The following SHANK2 variants were observed in gnomAD, a reference collection of about 807,000 sequenced individuals.
SHANK2 encodes SH3 and multiple ankyrin repeat domains 2.
A neutral mutation model predicts 133.7 loss-of-function variants in SHANK2; 43 were observed. The ratio of observed to expected loss-of-function variants is 0.32; its 90% CI spans 0.25 to 0.41. The LOEUF (loss-of-function observed/expected upper bound fraction) is 0.41. Among genes scored for constraint, SHANK2 ranks in the 10% least tolerant of loss-of-function variants. The pLI is 1.00. For synonymous variants in SHANK2, 1,017 were observed against 952.8 expected, an observed-to-expected ratio of 1.07 and a Z score of -1.24; for missense variants, 1,994 against 2,235.8, an observed-to-expected ratio of 0.89 and a Z score of 2.18.
chr11:70,587,703 T>TTG (rs1565155065), intron 17 of SHANK2, among the ~76,000 whole-genome samples: 1 of 149,390 alleles, frequency 6.7e-6, no homozygotes, highest in Non-Finnish European at 1.5e-5. Context: ...GTCCAGTTTT[T>TTG]TTTTTTTTTT....
chr11:71,077,195 A>G (rs1590887644), intron 8 of SHANK2, among the ~76,000 whole-genome samples: 1 of 152,014 alleles, frequency 6.6e-6, no homozygotes, highest in Non-Finnish European at 1.5e-5. Flanking sequence ...GCTATTTGGC[A>G]CTCCCCAAAG....
chr11:70,597,933 C>G (rs2060423138), intron 17 of SHANK2, among the ~76,000 whole-genome samples: 1 of 152,216 alleles, frequency 6.6e-6, no homozygotes, highest in Non-Finnish European at 1.5e-5. Flanking sequence ...TCAGACCCCA[C>G]CTGAGATGCA....
chr11:70,684,713 T>C (rs569644569), intron 15 of SHANK2, among the ~76,000 whole-genome samples: 64 of 152,008 alleles, frequency 4.2e-4, no homozygotes, highest in African/African-American at 1.5e-3. Context: ...CGTCACTCAG[T>C]GTGACTCAGT....
intron 2 of SHANK2, among the ~76,000 whole-genome samples, chr11:71,198,196 G>A (rs952302244): frequency 6.6e-6 from 1 of 152,054 alleles, no homozygotes; most frequent in African/African-American, 2.4e-5. Context: ...AGATCCTCTC[G>A]CCTCAGCATT....
intron 14 of SHANK2, among the ~76,000 whole-genome samples, chr11:70,771,464 G>A (rs1343828853): frequency 1.3e-5 from 2 of 152,254 alleles, no homozygotes; most frequent in African/African-American, 4.8e-5. Context: ...TCCTGCATGA[G>A]GACTGCAGTG....
At chr11:70,759,915 A>C (rs1360180945) in intron 14 of SHANK2, among the ~76,000 whole-genome samples, 1 of 152,196 alleles carries the variant, frequency 6.6e-6, no homozygotes, top group Non-Finnish European at 1.5e-5. Context: ...CCACTGGCCA[A>C]AGACTGAGGC....
At position 71,073,693 on chromosome 11, in the gene SHANK2, G is replaced by A. The variant is rs925377628; in HGVS notation, c.1029+1466C>T. ...TGTTGCCCAGGCTAGTCTCAAACTA[G>A]ATCAAGTAATCCACTCCTCCCTCGG... On this transcript the variant is annotated intron_variant, in intron 9 of 25. Coordinates refer to ENST00000601538, the MANE Select transcript of SHANK2 (RefSeq NM_012309.5). Among the ~76,000 whole-genome samples the A allele has an allele frequency of 1.1e-4, 16 of 152,232 alleles. 1 individual carries two copies. The South Asian group carries it at 1.2e-3, about 12-fold the overall frequency.
At chr11:71,205,784 G>T (rs1490165958) in intron 2 of SHANK2, among the ~76,000 whole-genome samples, 1 of 152,158 alleles carries the variant, frequency 6.6e-6, no homozygotes, top group Non-Finnish European at 1.5e-5. Context: ...TGGTGGCAGG[G>T]GGGTGGCAGA....
In SHANK2 at chr11:70,659,844, C is replaced by G. The variant is rs1047434223; in HGVS notation, c.2045G>C (p.Gly682Ala). ...GVAWQAGLRT[G>A]DFLIEVNNEN... is the part of the protein sequence containing the mutation. ...TGTCCCTACCTCAATCAAGAAGTCC[C>G]CGGTCCTTAGTCCGGCTTGCCACGC... Residue 682 changes from glycine (G) to alanine (A), a missense_variant, in exon 17 of 26, where the codon GGG becomes GCG. Gly to Ala is a moderately conservative substitution (Grantham distance 60). Around this residue, in one of 5 missense-constraint regions of SHANK2, gnomAD observed 488 missense variants for 642.6 expected, o/e 0.76. Transcript: ENST00000601538. The G allele has an allele frequency of 1.9e-6, 3 of 1,614,044 alleles. No homozygotes were observed. In the African/African-American group the frequency reaches 4.0e-5, roughly 22 times the overall value.
chr11:71,073,252 G>C (rs1488820200), intron 9 of SHANK2, among the ~76,000 whole-genome samples: 2 of 145,148 alleles, frequency 1.4e-5, no homozygotes, highest in South Asian at 4.5e-4. Context: ...TCCGCCTCCC[G>C]GGTTCAAGCA....
In SHANK2 at chr11:71,175,991, G is replaced by C. The variant is rs1452037721; in HGVS notation, c.-12-28653C>G. Among the ~76,000 whole-genome samples, 1 of 152,202 alleles carries C rather than the reference G, an allele frequency of 6.6e-6. No homozygotes were observed. Among genetic ancestry groups the C allele is most frequent in the Non-Finnish European group, 1.5e-5 (1 of 68,036 alleles). On this transcript the variant is annotated intron_variant, in intron 2 of 25. Coordinates refer to ENST00000601538, the MANE Select transcript of SHANK2 (RefSeq NM_012309.5). This position sits in a 1 kb window ranked among gnomAD's most constrained non-coding sequence, Gnocchi z 4.2. ...CTTATTCAGAATATGATGGATGCAA[G>C]CATGTAACAAACCACCTTAGGCCGG...
intron 11 of SHANK2, among the ~76,000 whole-genome samples, chr11:70,855,869 A>T (rs1352055665): frequency 6.6e-6 from 1 of 151,778 alleles, no homozygotes; most frequent in Non-Finnish European, 1.5e-5. Context: ...GTGAATGAGC[A>T]GAAACACTAA....
intron 7 of SHANK2, among the ~76,000 whole-genome samples, chr11:71,093,063 G>GGC (rs1555094503): frequency 1.6e-5 from 2 of 123,042 alleles, no homozygotes; most frequent in African/African-American, 2.8e-5. Context: ...GGGGGGGGGG[G>GGC]CAGGTATAAC....
intron 11 of SHANK2, among the ~76,000 whole-genome samples, chr11:70,821,787 C>T (rs1489746127): frequency 6.6e-6 from 1 of 152,216 alleles, no homozygotes; most frequent in Non-Finnish European, 1.5e-5. Flanking sequence ...CATACAGTCT[C>T]CGAGTCCACT....
chr11:70,762,184 C>A (rs1228589365), intron 14 of SHANK2, among the ~76,000 whole-genome samples: 1 of 152,240 alleles, frequency 6.6e-6, no homozygotes, highest in Non-Finnish European at 1.5e-5. Context: ...AAAGCTCCAA[C>A]AAAGCAAAAC....
At chr11:70,774,311 C>T (rs145248937) in intron 14 of SHANK2, among the ~76,000 whole-genome samples, 42 of 150,766 alleles carry the variant, frequency 2.8e-4, no homozygotes, top group African/African-American at 9.7e-4. Flanking sequence ...AAGGGGAAAT[C>T]GGGGAGTGAC....
At chr11:71,210,210 GTATATATATATATATATATATATATATA>G (rs71049962) in intron 2 of SHANK2, among the ~76,000 whole-genome samples, 3,079 of 54,134 alleles carry the variant, frequency 0.057, 272 homozygotes, top group African/African-American at 0.1. Flanking sequence ...AAATCCACAG[GTATATATATATATATATATATATATATA>G]TATATATATA....
chr11:71,110,875 T>C (rs1555099081), intron 5 of SHANK2, among the ~76,000 whole-genome samples: 1 of 152,236 alleles, frequency 6.6e-6, no homozygotes, highest in Non-Finnish European at 1.5e-5. Context: ...TGTAATAGTA[T>C]GGAGAGGTGA....
chr11:70,701,592 G>C (rs950993437), intron 14 of SHANK2, among the ~76,000 whole-genome samples: 2 of 151,900 alleles, frequency 1.3e-5, no homozygotes, highest in East Asian at 3.9e-4. Flanking sequence ...TTTTCGTAGA[G>C]ACGGGGTTTC....
Sources: allele counts gnomAD v4.1 joint callset (sites outside exome capture counted in the v4.1 genomes callset), GRCh38; gene constraint gnomAD v4.1.1; regional missense constraint gnomAD v4.1.1; non-coding constraint Gnocchi (gnomAD v3.1); transcripts MANE v1.5; gene names NCBI Gene and HGNC (gene_info 2026-07-23, HGNC 2026-07-21).